IL1RN: variants seen among roughly 807,000 people sequenced by gnomAD.
The protein encoded by IL1RN is interleukin-1 receptor antagonist protein.
IL1RN carries 10 observed loss-of-function variants against 13.7 expected under a neutral mutation model. The ratio of observed to expected loss-of-function variants is 0.73; its 90% CI spans 0.45 to 1.24. IL1RN has a LOEUF of 1.24. Among genes scored for constraint, IL1RN ranks in the 50% most tolerant of loss-of-function variants. The pLI is 0.00. For missense variants in IL1RN, 213 were observed against 222.1 expected (o/e 0.96, Z 0.26); for synonymous variants, 102 against 82.7 (o/e 1.23, Z -1.27).
At chr2:113,117,070 C>A, upstream of IL1RN, among the ~76,000 whole-genome samples, 1 of 152,194 alleles carries the variant, frequency 6.6e-6, no homozygotes, top group Non-Finnish European at 1.5e-5. Flanking sequence ...GTTGTCTGCT[C>A]CCTGATGGCA....
chr2:113,110,213 G>C (rs570238272), upstream of IL1RN, among the ~76,000 whole-genome samples: 1 of 152,188 alleles, frequency 6.6e-6, no homozygotes, highest in Non-Finnish European at 1.5e-5. Flanking sequence ...TCCTGTTCTG[G>C]TCCGGCAGTA....
At chr2:113,126,147 G>A (rs1429398665), upstream of IL1RN, among the ~76,000 whole-genome samples, 2 of 152,160 alleles carry the variant, frequency 1.3e-5, no homozygotes, top group African/African-American at 2.4e-5. Context: ...TCCTTTGAGG[G>A]CCAAGGAGAC....
chr2:113,099,723 C>CTTTTTTTTTTTTTT, the IL1RN span, among the ~76,000 whole-genome samples: 9 of 72,224 alleles, frequency 1.2e-4, no homozygotes, highest in Admixed American at 1.8e-4. Flanking sequence ...CCTCTTCTTT[C>CTTTTTTTTTTTTTT]TTTTCTTTTT....
upstream of IL1RN, among the ~76,000 whole-genome samples, chr2:113,113,581 C>CAATAAT (rs55663133): frequency 6.6e-6 from 1 of 151,364 alleles, no homozygotes; most frequent in Non-Finnish European, 1.5e-5. Context: ...ATGTTCTTAC[C>CAATAAT]AATAATAATA....
At chr2:113,129,543 T>C in intron 1 of IL1RN, 33 bp from the exon 2 acceptor site, 1 of 1,351,618 alleles carries the variant, frequency 7.4e-7, no homozygotes. Flanking sequence ...ACATGGTGGC[T>C]GTGCACTACA....
chr2:113,112,894 A>G (rs557183704), upstream of IL1RN: 65 of 152,328 alleles, frequency 4.3e-4, no homozygotes, highest in African/African-American at 1.5e-3. Flanking sequence ...CATGAGGCAA[A>G]CACACAGGAA....
the IL1RN span, among the ~76,000 whole-genome samples, chr2:113,101,970 T>C: frequency 1.2e-4 from 18 of 152,142 alleles, no homozygotes; most frequent in Non-Finnish European, 2.4e-4. Context: ...TTTCTCCATG[T>C]TGGTCAGGCT....
Position 113,133,013 on chromosome 2 carries a change from C to G in IL1RN, c.*142C>G. Reference sequence around the variant, plus strand: ...GACCCTCAGAAGGCGTCACAACAACCTGGTCACAGGACTCTGCCTCCTCTT... The same window carrying G: ...GACCCTCAGAAGGCGTCACAACAACGTGGTCACAGGACTCTGCCTCCTCTT... On this transcript the variant is annotated 3_prime_UTR_variant, in exon 4 of 4. Coordinates refer to ENST00000409930, the MANE Select transcript of IL1RN (RefSeq NM_173842.3). The G allele has an allele frequency of 1.3e-6, 1 of 766,388 alleles. No individual in the cohort carries two copies. The highest frequency in any genetic ancestry group is 2.3e-6 in the Non-Finnish European group (1 of 436,446). 47.5% of individuals were successfully genotyped at this position (766,388 alleles called of 1,614,324 possible).
intron 2 of IL1RN, among the ~76,000 whole-genome samples, chr2:113,130,326 C>T (rs1462639009): frequency 1.3e-5 from 2 of 152,222 alleles, no homozygotes; most frequent in African/African-American, 4.8e-5. Flanking sequence ...GTGGATGAGA[C>T]CTACAATTCC....
chr2:113,129,504 A>C (rs1012088781), intron 1 of IL1RN, 72 bp from the exon 2 acceptor site: 1 of 927,950 alleles, frequency 1.1e-6, no homozygotes, highest in Non-Finnish European at 1.8e-6. Context: ...TCTGGGGGAC[A>C]CAGGAAGGTG....
chr2:113,109,283 A>C (rs1686449565), upstream of IL1RN, among the ~76,000 whole-genome samples: 1 of 151,998 alleles, frequency 6.6e-6, no homozygotes, highest in Non-Finnish European at 1.5e-5. Context: ...GTGGGGGTGC[A>C]TGCCTGTAAT....
At chr2:113,129,699 C>T (rs376295568) in intron 2 of IL1RN, 35 bp downstream of exon 2, 96 of 1,326,526 alleles carry the variant, frequency 7.2e-5, no homozygotes, top group African/African-American at 2.8e-4. Flanking sequence ...TGTATGTGGG[C>T]ATCACGTCAC....
intron 1 of IL1RN, 114 bp from the exon 2 acceptor site, chr2:113,129,462 C>T: frequency 2.6e-6 from 2 of 772,294 alleles, no homozygotes; most frequent in Non-Finnish European, 4.8e-6. Flanking sequence ...AATACTATAC[C>T]CCTGGAAGAG....
intron 1 of IL1RN, among the ~76,000 whole-genome samples, chr2:113,111,939 C>G (rs770155610): frequency 6.6e-6 from 1 of 152,228 alleles, no homozygotes; most frequent in African/African-American, 2.4e-5. Context: ...TGGCCTTGGC[C>G]CCACCCCTGA....
At chr2:113,122,439 T>C (rs773283391) in intron 2 of IL1RN, among the ~76,000 whole-genome samples, 4 of 152,180 alleles carry the variant, frequency 2.6e-5, no homozygotes, top group Non-Finnish European at 5.9e-5. Flanking sequence ...ATGGTGTATA[T>C]GTCTCCCCAG....
chr2:113,119,805 C>T (rs555716220), intron 1 of IL1RN, among the ~76,000 whole-genome samples: 1 of 152,158 alleles, frequency 6.6e-6, no homozygotes, highest in Middle Eastern at 3.4e-3. Context: ...CACCATGTTC[C>T]CTGGGTAGAG....
intron 1 of IL1RN, among the ~76,000 whole-genome samples, chr2:113,128,371 T>C (rs1486575035): frequency 6.6e-6 from 1 of 152,178 alleles, no homozygotes; most frequent in African/African-American, 2.4e-5. Context: ...GGACTGCTTG[T>C]GCATGCCCTC....
chr2:113,116,838 C>A (rs36215121), upstream of IL1RN, among the ~76,000 whole-genome samples: 1 of 152,284 alleles, frequency 6.6e-6, no homozygotes, highest in East Asian at 1.9e-4. Flanking sequence ...TTATGTACTG[C>A]GTGTCATTCA....
Position 113,129,652 on chromosome 2 carries a change from G to C in IL1RN, c.193G>C (p.Val65Leu). 6.2e-7 allele frequency: 1 copy of C among 1,609,922 alleles called. No individual in the cohort carries two copies. The highest frequency in any genetic ancestry group is 8.5e-7 in the Non-Finnish European group (1 of 1,176,010). The change falls in exon 2 of 4, where the codon GTC (valine) becomes CTC (leucine). Residue 65 changes from valine (V) to leucine (L), a missense_variant. Transcript: ENST00000409930. ...TGCTGGATACTTGCAAGGACCAAATGTCAATTTAGAAGGTGAGTGGTTGCC... is the reference window on the plus strand; with the variant it reads ...TGCTGGATACTTGCAAGGACCAAATCTCAATTTAGAAGGTGAGTGGTTGCC... ...LVAGYLQGPN[V>L]NLEEKIDVVP...
Sources: gnomAD v4.1 joint callset for allele counts (sites outside exome capture counted in the v4.1 genomes callset) on GRCh38, gnomAD v4.1.1 for gene constraint, MANE v1.5 for transcripts, NCBI Gene and HGNC (gene_info 2026-07-23, HGNC 2026-07-21) for gene names.